The following LIN7A variants were observed in gnomAD, a reference collection of about 807,000 sequenced individuals.
LIN7A encodes protein lin-7 homolog A.
In LIN7A, 25 loss-of-function variants were observed where a neutral mutation model predicts 29.8. That is an observed-to-expected ratio of 0.84 (90% CI 0.61 to 1.17). The LOEUF (loss-of-function observed/expected upper bound fraction) is 1.17. Among genes scored for constraint, LIN7A ranks in the 50% most tolerant of loss-of-function variants. LIN7A has a pLI of 0.00. For missense variants in LIN7A, 239 were observed against 287.0 expected, an observed-to-expected ratio of 0.83 and a Z score of 1.21; for synonymous variants, 118 against 107.5, an observed-to-expected ratio of 1.10 and a Z score of -0.60.
chr12:80,934,817 A>C (rs1878117732), intron 1 of LIN7A, among the ~76,000 whole-genome samples: 1 of 152,208 alleles, frequency 6.6e-6, no homozygotes, highest in Non-Finnish European at 1.5e-5. Flanking sequence ...TTATATATTC[A>C]GATTTGCTGG....
intron 2 of LIN7A, among the ~76,000 whole-genome samples, chr12:80,876,657 A>G (rs1874717318): frequency 6.6e-6 from 1 of 152,236 alleles, no homozygotes; most frequent in Non-Finnish European, 1.5e-5. Flanking sequence ...TCAAGTAAAC[A>G]CCAATGATAA....
intron 4 of LIN7A, among the ~76,000 whole-genome samples, chr12:80,832,896 G>C (rs550154525): frequency 6.6e-6 from 1 of 152,184 alleles, no homozygotes; most frequent in South Asian, 2.1e-4. Context: ...AAAGGTCTGG[G>C]GACATTTTTT....
At chr12:80,836,055 G>T (rs1872577551) in intron 4 of LIN7A, among the ~76,000 whole-genome samples, 1 of 152,176 alleles carries the variant, frequency 6.6e-6, no homozygotes, top group Admixed American at 6.5e-5. Context: ...GCCTCAGGAT[G>T]TATTAGAGAC....
chr12:80,802,431 AC>A (rs1253185104), intron 5 of LIN7A, among the ~76,000 whole-genome samples: 1 of 152,178 alleles, frequency 6.6e-6, no homozygotes, highest in African/African-American at 2.4e-5. Flanking sequence ...ATCTACATGT[AC>A]TGCAGGTATC....
chr12:80,893,914 G>T (rs1875753437), intron 1 of LIN7A, among the ~76,000 whole-genome samples: 1 of 152,190 alleles, frequency 6.6e-6, no homozygotes, highest in African/African-American at 2.4e-5. Context: ...AAAAGCCAAT[G>T]GAAGTCTGAA....
At position 80,795,590 on chromosome 12, in the gene LIN7A, A is replaced by G. The variant is rs922029192; in HGVS notation, c.*2137T>C. The G allele has an allele frequency of 6.6e-6, 1 of 152,154 alleles. No homozygotes were observed. The highest frequency in any genetic ancestry group is 2.4e-5 in the African/African-American group (1 of 41,442). 9.4% of individuals were successfully genotyped at this position (152,154 alleles called of 1,614,324 possible). On this transcript the variant is annotated 3_prime_UTR_variant, in exon 6 of 6. Transcript: ENST00000552864. ...TTGACCAAACATTTATGACTAAGTG[A>G]AAACATACTCACTCACCTTAAGCTC...
intron 2 of LIN7A, among the ~76,000 whole-genome samples, chr12:80,887,785 A>G (rs1875408929): frequency 6.6e-6 from 1 of 152,036 alleles, no homozygotes; most frequent in Non-Finnish European, 1.5e-5. Flanking sequence ...TAAGCCACAT[A>G]CTCAATGAGC....
chr12:80,937,650 G>T lies in LIN7A; in HGVS notation c.73C>A (p.Leu25Met). 5 of 1,566,722 alleles carry T rather than the reference G, an allele frequency of 3.2e-6. No individual in the cohort carries two copies. Among genetic ancestry groups the T allele is most frequent in the Non-Finnish European group, 4.3e-6 (5 of 1,153,104 alleles). ...CGAGCCGCTCCCTTACCTCTGTCCA[G>T]GGTGAGCGGCTGGACCACTGTCAAT... Reference protein sequence around the residue: ...ATLTVVQPLTLDRDVARAIEL... With the variant: ...ATLTVVQPLTMDRDVARAIEL... Residue 25 changes from leucine (L) to methionine (M), a missense_variant, in exon 1 of 6, where the codon CTG becomes ATG. Coordinates refer to ENST00000552864, the MANE Select transcript of LIN7A (RefSeq NM_004664.4).
At chr12:80,851,358 T>C (rs1873323050) in intron 2 of LIN7A, among the ~76,000 whole-genome samples, 1 of 150,884 alleles carries the variant, frequency 6.6e-6, no homozygotes, top group South Asian at 2.1e-4. Context: ...TGCTAGTCTT[T>C]TTTTTTTTTT....
chr12:80,876,387 G>A lies in LIN7A; in HGVS notation c.201+12864C>T, dbSNP rs114493702. Among the ~76,000 whole-genome samples, 278 of 152,098 alleles carry A rather than the reference G, an allele frequency of 1.8e-3. 3 individuals carry two copies. The highest frequency in any genetic ancestry group is 6.3e-3 in the African/African-American group (261 of 41,494). On this transcript the variant is annotated intron_variant, in intron 2 of 5. Coordinates refer to ENST00000552864, the MANE Select transcript of LIN7A (RefSeq NM_004664.4). ...GACACTGGGGTAGGGAAAGATTTCT[G>A]AAGTGAGATACCCAAAAAGCATATT...
chr12:80,917,123 T>A (rs892459506), intron 1 of LIN7A, among the ~76,000 whole-genome samples: 2 of 152,130 alleles, frequency 1.3e-5, no homozygotes, highest in African/African-American at 4.8e-5. Flanking sequence ...AGAGACTGAA[T>A]GAAGCTCAGG....
At chr12:80,840,169 G>C (rs903462885) in intron 4 of LIN7A, among the ~76,000 whole-genome samples, 1 of 152,042 alleles carries the variant, frequency 6.6e-6, no homozygotes, top group Non-Finnish European at 1.5e-5. Flanking sequence ...AATAATTATA[G>C]ATTTAAGAGA....
rs892051398 is a variant in LIN7A, at chr12:80,811,806, G to A, written c.484-123C>T. The A allele has an allele frequency of 4.6e-6, 5 of 1,096,100 alleles. No individual in the cohort carries two copies. The African/African-American group carries it at 6.4e-5, about 14-fold the overall frequency. 67.9% of individuals were successfully genotyped at this position (1,096,100 alleles called of 1,614,324 possible). A position where few individuals can be genotyped will look rare whatever the true frequency, so the allele number is the denominator to read the frequency against. On this transcript the variant is annotated intron_variant, in intron 4 of 5. Coordinates refer to ENST00000552864, the MANE Select transcript of LIN7A (RefSeq NM_004664.4). ...AAAATTTTAAGAAAACATGGCAAAT[G>A]AGTTATCTTACCATCATCGTTATTA...
intron 1 of LIN7A, among the ~76,000 whole-genome samples, chr12:80,907,020 A>G (rs1257713172): frequency 7.0e-6 from 1 of 143,650 alleles, no homozygotes; most frequent in East Asian, 2.0e-4. Context: ...CAGTGAAACA[A>G]TGATCATAAT....
chr12:80,873,086 G>T (rs1038045699), intron 2 of LIN7A, among the ~76,000 whole-genome samples: 1 of 152,128 alleles, frequency 6.6e-6, no homozygotes, highest in African/African-American at 2.4e-5. Flanking sequence ...TATGGCTGCT[G>T]TGCCTGTTGA....
chr12:80,844,417 CAAAT>C (rs939861843), intron 4 of LIN7A, among the ~76,000 whole-genome samples: 6 of 152,166 alleles, frequency 3.9e-5, no homozygotes, highest in South Asian at 2.1e-4. Context: ...AAATAAGAAA[CAAAT>C]GAATAAAATT....
chr12:80,808,200 C>A (rs775877232), intron 5 of LIN7A, among the ~76,000 whole-genome samples: 18 of 152,170 alleles, frequency 1.2e-4, no homozygotes, highest in Non-Finnish European at 2.1e-4. Flanking sequence ...TTCCTGGCTT[C>A]TTGTGATTCA....
intron 5 of LIN7A, 24 bp downstream of exon 5, chr12:80,811,441 T>G: frequency 1.2e-6 from 1 of 805,018 alleles, no homozygotes; most frequent in Non-Finnish European, 2.1e-6. Flanking sequence ...ATATACTCCT[T>G]GTATAGAATA....
chr12:80,806,178 G>A (rs1425197179), intron 5 of LIN7A, among the ~76,000 whole-genome samples: 3 of 152,000 alleles, frequency 2.0e-5, no homozygotes, highest in African/African-American at 7.2e-5. Flanking sequence ...TTTTGTTCCC[G>A]GTTTTGGGTA....
Sources: allele counts gnomAD v4.1 joint callset (sites outside exome capture counted in the v4.1 genomes callset), GRCh38; gene constraint gnomAD v4.1.1; transcripts MANE v1.5; gene names NCBI Gene and HGNC (gene_info 2026-07-23, HGNC 2026-07-21).